The following ANKRD44 variants were observed in gnomAD, a reference collection of about 807,000 sequenced individuals.
ANKRD44 encodes serine/threonine-protein phosphatase 6 regulatory ankyrin repeat subunit B.
A neutral mutation model predicts 116.0 loss-of-function variants in ANKRD44; 35 were observed. The observed-to-expected ratio is 0.30, with a 90% CI of 0.23 to 0.40. The LOEUF (loss-of-function observed/expected upper bound fraction) is 0.40. ANKRD44 is among the 10% of genes least tolerant of loss of function. The pLI, the probability that ANKRD44 is intolerant of heterozygous loss-of-function variation, is 1.00. For missense variants in ANKRD44, 1,014 were observed against 1,242.6 expected (o/e 0.82, Z 2.77); for synonymous variants, 435 against 461.8 (o/e 0.94, Z 0.74).
At position 197,159,793 on chromosome 2, in the gene ANKRD44, C is replaced by G. The variant is rs538871701; in HGVS notation, c.112-12688G>C. 2.6e-5 allele frequency among the ~76,000 whole-genome samples: 4 copies of G among 152,284 alleles called. No homozygotes were observed. In the East Asian group the frequency reaches 7.7e-4, roughly 29 times the overall value. ...GTATTATTGTCCTCATTTTACAGGACAGGAATTAAGGTTGACTCAGAGTTA... is the reference window on the plus strand; with the variant it reads ...GTATTATTGTCCTCATTTTACAGGAGAGGAATTAAGGTTGACTCAGAGTTA... On this transcript the variant is annotated intron_variant, in intron 2 of 27. Transcript: ENST00000282272.
chr2:197,046,113 C>T (rs1413522281), intron 16 of ANKRD44, among the ~76,000 whole-genome samples: 1 of 152,140 alleles, frequency 6.6e-6, no homozygotes, highest in Non-Finnish European at 1.5e-5. Flanking sequence ...CATTTTATGG[C>T]CACATAGCAT....
intron 1 of ANKRD44, among the ~76,000 whole-genome samples, chr2:197,226,382 C>T (rs113894080): frequency 1.3e-4 from 20 of 152,024 alleles, no homozygotes; most frequent in African/African-American, 4.1e-4. Flanking sequence ...TAAGAGTTTC[C>T]CGACCAGGCA....
intron 10 of ANKRD44, among the ~76,000 whole-genome samples, chr2:197,091,959 C>G (rs1159665547): frequency 6.6e-6 from 1 of 152,018 alleles, no homozygotes; most frequent in Non-Finnish European, 1.5e-5. Flanking sequence ...ATAGACCGAC[C>G]CCCACTAAGA....
chr2:196,999,133 G>T (rs2076068148), intron 23 of ANKRD44, 81 bp from the exon 24 acceptor site: 3 of 1,511,786 alleles, frequency 2.0e-6, no homozygotes, highest in South Asian at 2.5e-5. Context: ...CATGCACAAG[G>T]TGTTGTCTTA....
intron 1 of ANKRD44, among the ~76,000 whole-genome samples, chr2:197,299,056 C>A (rs561067524): frequency 5.0e-4 from 76 of 152,258 alleles, no homozygotes; most frequent in African/African-American, 1.6e-3. Flanking sequence ...TCAAATTTCC[C>A]CAATTATCTC....
intron 10 of ANKRD44, among the ~76,000 whole-genome samples, chr2:197,091,347 G>C (rs1254495397): frequency 6.6e-6 from 1 of 152,224 alleles, no homozygotes; most frequent in African/African-American, 2.4e-5. Context: ...GAGAGTGGCA[G>C]GCTGAGTAAA....
intron 2 of ANKRD44, among the ~76,000 whole-genome samples, chr2:197,168,693 C>G (rs909285592): frequency 6.6e-6 from 1 of 152,190 alleles, no homozygotes; most frequent in Non-Finnish European, 1.5e-5. Context: ...TTTAGATGCT[C>G]TCTCTTCCTT....
intron 16 of ANKRD44, chr2:197,077,671 T>C (rs866105860): frequency 1.2e-4 from 19 of 152,180 alleles, no homozygotes; most frequent in African/African-American, 4.6e-4. Context: ...AGAGGAGAAC[T>C]TTCATCCTGT....
Position 196,987,935 on chromosome 2 carries a change from T to C in ANKRD44, c.*1656A>G. The C allele has an allele frequency of 1.0e-6, 1 of 984,776 alleles. No individual in the cohort carries two copies. 61.0% of individuals were successfully genotyped at this position (984,776 alleles called of 1,614,324 possible). On this transcript the variant is annotated 3_prime_UTR_variant, in exon 28 of 28. Transcript: ENST00000282272. Reference sequence around the variant, plus strand: ...ATGATAGTTTTTAAAGTCATTTCTTTAAAAAAATTTTGCCTTGGGGTATGG... The same window carrying C: ...ATGATAGTTTTTAAAGTCATTTCTTCAAAAAAATTTTGCCTTGGGGTATGG...
rs1559207904 is a variant in ANKRD44, at chr2:197,273,969, AAAAAAAAAAAAATATATATATAT to A, written c.27+36586_27+36608del. On this transcript the variant is annotated intron_variant, in intron 1 of 27. Coordinates refer to ENST00000282272, the MANE Select transcript of ANKRD44 (RefSeq NM_001195144.2). ...GCTAGTCAACCAACCACAAAAAAAAAAAAAAAAAAAAATATATATATATATATATATATATATATATATATATA... is the reference window on the plus strand; with the variant it reads ...GCTAGTCAACCAACCACAAAAAAAAAATATATATATATATATATATATATA... Among the ~76,000 whole-genome samples the A allele has an allele frequency of 1.3e-4, 6 of 47,234 alleles. 1 individual carries two copies. The highest frequency in any genetic ancestry group is 4.5e-4 in the African/African-American group (6 of 13,404). 31.0% of individuals were successfully genotyped at this position (47,234 alleles called of 152,430 possible).
intron 3 of ANKRD44, among the ~76,000 whole-genome samples, chr2:197,142,351 G>T (rs1401355534): frequency 6.6e-6 from 1 of 152,122 alleles, no homozygotes; most frequent in African/African-American, 2.4e-5. Context: ...TTCTTCCCAA[G>T]CTTAACTTAT....
chr2:197,127,670 A>G (rs970682338), intron 4 of ANKRD44, among the ~76,000 whole-genome samples: 16 of 152,300 alleles, frequency 1.1e-4, no homozygotes, highest in South Asian at 2.1e-4. Flanking sequence ...ATTTTTTTTA[A>G]TCAACTTTTA....
chr2:197,095,263 T>C (rs1471859287), intron 10 of ANKRD44, among the ~76,000 whole-genome samples: 1 of 152,246 alleles, frequency 6.6e-6, no homozygotes, highest in Non-Finnish European at 1.5e-5. Flanking sequence ...TCCATGTTTG[T>C]ACTGAGGATC....
chr2:196,990,987 C>A (rs2075905288), intron 27 of ANKRD44: 1 of 1,203,000 alleles, frequency 8.3e-7, no homozygotes, highest in South Asian at 4.2e-5. Context: ...GAGGCACGAG[C>A]ATTCCACAGT....
intron 21 of ANKRD44, among the ~76,000 whole-genome samples, chr2:197,002,931 T>C (rs1281043342): frequency 1.3e-5 from 2 of 152,082 alleles, no homozygotes; most frequent in East Asian, 1.9e-4. Context: ...AAAATACAAA[T>C]CAAACTTTTC....
intron 16 of ANKRD44, among the ~76,000 whole-genome samples, chr2:197,068,964 T>C (rs1251407898): frequency 6.6e-6 from 1 of 152,140 alleles, no homozygotes; most frequent in African/African-American, 2.4e-5. Context: ...ACCCAAAGGA[T>C]TATAAATCAT....
chr2:197,042,477 C>T (rs2076928501), intron 16 of ANKRD44, among the ~76,000 whole-genome samples: 1 of 151,052 alleles, frequency 6.6e-6, no homozygotes, highest in South Asian at 2.1e-4. Context: ...TCTTCTCATT[C>T]CACATCTGCC....
At chr2:197,287,845 C>G (rs575149044) in intron 1 of ANKRD44, among the ~76,000 whole-genome samples, 4 of 151,600 alleles carry the variant, frequency 2.6e-5, no homozygotes, top group Non-Finnish European at 5.9e-5. Flanking sequence ...CATGGTGAAA[C>G]CCTGTCCCTC....
intron 1 of ANKRD44, among the ~76,000 whole-genome samples, chr2:197,200,367 T>C (rs2081065804): frequency 6.6e-6 from 1 of 152,142 alleles, no homozygotes; most frequent in Admixed American, 6.5e-5. Flanking sequence ...GAAAAAAATG[T>C]ATTTTGGAAT....
Sources: allele counts gnomAD v4.1 joint callset (sites outside exome capture counted in the v4.1 genomes callset), GRCh38; gene constraint gnomAD v4.1.1; transcripts MANE v1.5; gene names NCBI Gene and HGNC (gene_info 2026-07-23, HGNC 2026-07-21).